The following JAZF1 variants were observed in gnomAD, a reference collection of about 807,000 sequenced individuals.
The protein encoded by JAZF1 is JAZF zinc finger 1.
In JAZF1, 8 loss-of-function variants were observed where a neutral mutation model predicts 26.4. That is an observed-to-expected ratio of 0.30 (90% CI 0.18 to 0.55). JAZF1 has a LOEUF of 0.55. JAZF1 is among the 20% of genes least tolerant of loss of function. The pLI, the probability that JAZF1 is intolerant of heterozygous loss-of-function variation, is 0.94. For missense variants in JAZF1, 199 were observed against 322.0 expected (o/e 0.62, Z 2.92); for synonymous variants, 126 against 122.3 (o/e 1.03, Z -0.20).
chr7:27,979,366 ATTTTTTT>A lies in JAZF1; in HGVS notation c.188+12536_188+12542del, dbSNP rs55737757. Among the ~76,000 whole-genome samples, 350 of 58,268 alleles carry A rather than the reference ATTTTTTT, an allele frequency of 6.0e-3. 2 individuals carry two copies. Among genetic ancestry groups the A allele is most frequent in the African/African-American group, 0.02 (298 of 14,910 alleles). The allele number at this position is 58,268 out of a possible 152,430, so 38.2% of individuals were successfully genotyped here. A position where few individuals can be genotyped will look rare whatever the true frequency, so the allele number is the denominator to read the frequency against. On this transcript the variant is annotated intron_variant, in intron 2 of 4. Transcript: ENST00000283928. ...TAACAGGCGTGGCCAGGTACACTAC[ATTTTTTT>A]TTTTTTTTTTTTTTTTTTTTTTTTT...
At chr7:27,919,424 G>A (rs1036313264) in intron 2 of JAZF1, among the ~76,000 whole-genome samples, 1 of 152,182 alleles carries the variant, frequency 6.6e-6, no homozygotes, top group Non-Finnish European at 1.5e-5. Flanking sequence ...AACCTGTGAT[G>A]AGAGTTAAAG....
intron 1 of JAZF1, among the ~76,000 whole-genome samples, chr7:28,094,163 T>G (rs1000968423): frequency 9.2e-5 from 14 of 152,234 alleles, no homozygotes; most frequent in African/African-American, 3.1e-4. Flanking sequence ...CCCTCTGAAG[T>G]AGAAGTCAAC....
intron 3 of JAZF1, among the ~76,000 whole-genome samples, chr7:27,889,030 G>A: frequency 6.6e-6 from 1 of 152,138 alleles, no homozygotes; most frequent in East Asian, 1.9e-4. Context: ...CAGACAACGT[G>A]GAATATGTTC....
At chr7:27,986,936 C>T (rs1785728005) in intron 2 of JAZF1, among the ~76,000 whole-genome samples, 1 of 152,160 alleles carries the variant, frequency 6.6e-6, no homozygotes, top group Non-Finnish European at 1.5e-5. Context: ...GGATTGCAGA[C>T]GGAGTCTCGA....
intron 3 of JAZF1, among the ~76,000 whole-genome samples, chr7:27,857,519 G>A (rs1217821021): frequency 3.3e-5 from 5 of 152,266 alleles, no homozygotes; most frequent in Non-Finnish European, 7.3e-5. Context: ...AGGCTGAGGA[G>A]GCGCCGAGAG....
intron 3 of JAZF1, among the ~76,000 whole-genome samples, chr7:27,850,354 C>T (rs1245263666): frequency 1.3e-5 from 2 of 152,154 alleles, no homozygotes; most frequent in Non-Finnish European, 2.9e-5. Context: ...TGTTCCTGGG[C>T]CTTAGCTCAT....
intron 1 of JAZF1, among the ~76,000 whole-genome samples, chr7:27,995,418 G>C (rs907620812): frequency 6.6e-6 from 1 of 152,132 alleles, no homozygotes; most frequent in Non-Finnish European, 1.5e-5. Context: ...AGAAGTGACA[G>C]GAAGATAAAC....
At chr7:28,061,603 T>C (rs181126714) in intron 1 of JAZF1, among the ~76,000 whole-genome samples, 80 of 152,340 alleles carry the variant, frequency 5.3e-4, no homozygotes, top group Non-Finnish European at 8.4e-4. Flanking sequence ...GGTGAGCATG[T>C]TAATAGCAAA....
At chr7:28,015,951 A>G (rs1485464143) in intron 1 of JAZF1, among the ~76,000 whole-genome samples, 2 of 152,048 alleles carry the variant, frequency 1.3e-5, no homozygotes, top group Admixed American at 6.6e-5. Context: ...AGGCCCGGGC[A>G]TCTCATCATG....
chr7:28,104,088 G>A lies in JAZF1; in HGVS notation c.115+76375C>T, dbSNP rs10253596. ...GGCTCCCACCTCAGGGCCCCAGTCC[G>A]AGCTGTTCCCTCTACTTGGAATGCT... On this transcript the variant is annotated intron_variant, in intron 1 of 4. Coordinates refer to ENST00000283928, the MANE Select transcript of JAZF1 (RefSeq NM_175061.4). Among the ~76,000 whole-genome samples the A allele has an allele frequency of 8.3e-3, 1,270 of 152,180 alleles. 13 individuals carry two copies. The highest frequency in any genetic ancestry group is 0.029 in the African/African-American group (1,183 of 41,506).
chr7:28,155,119 GA>G (rs936974059), intron 1 of JAZF1, among the ~76,000 whole-genome samples: 5 of 152,266 alleles, frequency 3.3e-5, no homozygotes, highest in African/African-American at 1.2e-4. Context: ...AAATGATTGG[GA>G]GGGGGGATGG....
At chr7:28,075,165 C>T (rs900239330) in intron 1 of JAZF1, among the ~76,000 whole-genome samples, 2 of 152,150 alleles carry the variant, frequency 1.3e-5, no homozygotes, top group African/African-American at 4.8e-5. Context: ...CAAACCTGTG[C>T]ATCCTCGGGT....
chr7:27,832,675 T>A lies in JAZF1; in HGVS notation c.*125A>T, dbSNP rs1782728806. On this transcript the variant is annotated 3_prime_UTR_variant, in exon 5 of 5. Transcript: ENST00000283928. ...CATCATTCCAAAATTACAGAAAAAATTTAAAGCATGCATTTAATTCTTTTT... is the reference window on the plus strand; with the variant it reads ...CATCATTCCAAAATTACAGAAAAAAATTAAAGCATGCATTTAATTCTTTTT... 1 of 746,258 alleles carries A rather than the reference T, an allele frequency of 1.3e-6. No individual in the cohort carries two copies. The highest frequency in any genetic ancestry group is 2.1e-6 in the Non-Finnish European group (1 of 481,794). The allele number at this position is 746,258 out of a possible 1,614,324, so 46.2% of individuals were successfully genotyped here. A position where few individuals can be genotyped will look rare whatever the true frequency, so the allele number is the denominator to read the frequency against.
chr7:27,935,614 T>G (rs1209781261), intron 2 of JAZF1, among the ~76,000 whole-genome samples: 4 of 152,186 alleles, frequency 2.6e-5, no homozygotes, highest in Non-Finnish European at 5.9e-5. Context: ...AAAACTAGGT[T>G]GTATTGATGG....
At chr7:28,138,998 A>G (rs911409998) in intron 1 of JAZF1, among the ~76,000 whole-genome samples, 1 of 122,496 alleles carries the variant, frequency 8.2e-6, no homozygotes, top group Non-Finnish European at 2.0e-5. Flanking sequence ...GTCAAGGTAG[A>G]CCTGAAGTGG....
intron 1 of JAZF1, among the ~76,000 whole-genome samples, chr7:28,077,080 A>G (rs1784063304): frequency 6.6e-6 from 1 of 152,232 alleles, no homozygotes; most frequent in African/African-American, 2.4e-5. Flanking sequence ...TTCTTTCACT[A>G]AACACAACAA....
At chr7:28,043,323 T>C (rs1316592576) in intron 1 of JAZF1, among the ~76,000 whole-genome samples, 1 of 152,176 alleles carries the variant, frequency 6.6e-6, no homozygotes, top group Non-Finnish European at 1.5e-5. Flanking sequence ...GTCTGTTTTT[T>C]TCTGTGACCT....
At position 28,150,006 on chromosome 7, in the gene JAZF1, C is replaced by T. The variant is rs139370618; in HGVS notation, c.115+30457G>A. On this transcript the variant is annotated intron_variant, in intron 1 of 4. Coordinates refer to ENST00000283928, the MANE Select transcript of JAZF1 (RefSeq NM_175061.4). The stretch of plus-strand genomic sequence containing the variant: ...TTCCTCTATTCCCTTGCCAGGAGCA[C>T]CCTGACAAACATTACCTGGCTTCTT... 2.5e-3 allele frequency among the ~76,000 whole-genome samples: 374 copies of T among 152,298 alleles called. 2 individuals are homozygous for T. The highest frequency in any genetic ancestry group is 6.8e-3 in the Middle Eastern group (2 of 294).
chr7:28,105,429 C>G (rs969296482), intron 1 of JAZF1, among the ~76,000 whole-genome samples: 13 of 152,284 alleles, frequency 8.5e-5, no homozygotes, highest in African/African-American at 2.9e-4. Context: ...GAACACATAA[C>G]GGTTTTCGAG....
Sources: allele counts gnomAD v4.1 joint callset (sites outside exome capture counted in the v4.1 genomes callset), GRCh38; gene constraint gnomAD v4.1.1; transcripts MANE v1.5; gene names NCBI Gene and HGNC (gene_info 2026-07-23, HGNC 2026-07-21).